Variants in RNF126 observed in about 807,000 individuals in gnomAD.
RNF126 encodes E3 ubiquitin-protein ligase RNF126.
RNF126 carries 20 observed loss-of-function variants against 41.9 expected under a neutral mutation model. That is an observed-to-expected ratio of 0.48 (90% CI 0.34 to 0.69). The LOEUF is 0.69. RNF126 is among the 30% of genes least tolerant of loss of function. The pLI, the probability that RNF126 is intolerant of heterozygous loss-of-function variation, is 0.01. For missense variants in RNF126, 433 were observed against 460.6 expected (o/e 0.94, Z 0.55); for synonymous variants, 239 against 202.9 (o/e 1.18, Z -1.51).
At chr19:654,970 G>GA (rs933712959) in intron 1 of RNF126, among the ~76,000 whole-genome samples, 17 of 143,304 alleles carry the variant, frequency 1.2e-4, no homozygotes, top group Non-Finnish European at 2.3e-4. Context: ...TCCGTATCGG[G>GA]AAAAAAAAAA....
At chr19:653,133 C>T (rs891368037) in intron 1 of RNF126, among the ~76,000 whole-genome samples, 2 of 149,862 alleles carry the variant, frequency 1.3e-5, no homozygotes, top group East Asian at 1.9e-4. Flanking sequence ...CCGTGACGGG[C>T]GTCACCAGCG....
rs755780823 is a variant in RNF126 at position 651,711 on chromosome 19, C to G, written c.343G>C (p.Asp115His). ...GRDPESRRERDHPSRHRYGAR... is the reference protein window; with the variant it reads ...GRDPESRRERHHPSRHRYGAR... Reference sequence around the variant, plus strand: ...CCGTACCGGTGCCGGGACGGATGGTCTCTCTCCCGCCGGCTCTCAGGGTCC... The same window carrying G: ...CCGTACCGGTGCCGGGACGGATGGTGTCTCTCCCGCCGGCTCTCAGGGTCC... The change falls in exon 4 of 9, where the codon GAC becomes CAC. Residue 115 changes from aspartate to histidine, a missense_variant. By Grantham distance (81) the Asp-to-His change is moderately conservative. This residue lies in a region of RNF126 where 247 missense variants were observed against 224.7 expected (regional missense o/e 1.10). Coordinates refer to ENST00000292363, the MANE Select transcript of RNF126 (RefSeq NM_194460.3). The G allele has an allele frequency of 4.4e-6, 7 of 1,608,788 alleles. No homozygotes were observed. Among genetic ancestry groups the G allele is most frequent in the Non-Finnish European group, 5.9e-6 (7 of 1,178,190 alleles).
intron 1 of RNF126, among the ~76,000 whole-genome samples, chr19:653,619 G>T (rs2030428391): frequency 6.6e-6 from 1 of 152,216 alleles, no homozygotes; most frequent in South Asian, 2.1e-4. Flanking sequence ...TGGATGGCTG[G>T]GCCCCTGGTG....
intron 1 of RNF126, 149 bp downstream of exon 1, chr19:662,898 G>A (rs998396893): frequency 1.8e-5 from 6 of 328,646 alleles, no homozygotes; most frequent in Non-Finnish European, 2.7e-5. Context: ...CGCGGATTCA[G>A]CCTGGGCCGG....
chr19:658,181 C>A (rs1600641329), intron 1 of RNF126, among the ~76,000 whole-genome samples: 2 of 152,274 alleles, frequency 1.3e-5, no homozygotes, highest in East Asian at 3.9e-4. Flanking sequence ...GGGACCCTGC[C>A]AGTGCCGGGC....
intron 4 of RNF126, 79 bp from the exon 5 acceptor site, chr19:650,375 A>G: frequency 7.9e-7 from 1 of 1,271,808 alleles, no homozygotes; most frequent in Non-Finnish European, 1.1e-6. Context: ...GTCCGTGGTG[A>G]GCACCAAGGG....
At chr19:660,930 G>T (rs118167041) in intron 1 of RNF126, among the ~76,000 whole-genome samples, 2 of 152,372 alleles carry the variant, frequency 1.3e-5, no homozygotes, top group South Asian at 2.1e-4. Context: ...GATCACCCGC[G>T]GGGTGGACAC....
chr19:649,522 C>T lies in RNF126; in HGVS notation c.576+157G>A. 3 of 608,406 alleles carry T rather than the reference C, an allele frequency of 4.9e-6. No individual in the cohort carries two copies. The South Asian group carries it at 6.0e-5, about 12-fold the overall frequency. The allele number at this position is 608,406 out of a possible 1,614,324, so 37.7% of individuals were successfully genotyped here. On this transcript the variant is annotated intron_variant, in intron 6 of 8. Coordinates refer to ENST00000292363, the MANE Select transcript of RNF126 (RefSeq NM_194460.3). ...AGACTCAGAAATGGCAGGAGGAAGG[C>T]CGGAGCTGCCCCCTGTGCCCGCCAG... is the stretch of plus-strand genomic sequence containing the variant.
Position 651,696 on chromosome 19 carries a change from G to A in RNF126, c.358C>T (p.His120Tyr). ...CGGGGCTGTCGGGCGCCGTACCGGTGCCGGGACGGATGGTCTCTCTCCCGC... is the reference window on the plus strand; with the variant it reads ...CGGGGCTGTCGGGCGCCGTACCGGTACCGGGACGGATGGTCTCTCTCCCGC... ...SRRERDHPSR[H>Y]RYGARQPRAR... The change falls in exon 4 of 9, where the codon CAC becomes TAC. Residue 120 changes from histidine (H) to tyrosine (Y), a missense_variant. Coordinates refer to ENST00000292363, the MANE Select transcript of RNF126 (RefSeq NM_194460.3). The A allele has an allele frequency of 6.2e-7, 1 of 1,600,162 alleles. No homozygotes were observed.
rs2030025729 is a variant in RNF126, at chr19:647,828, T to A, written c.*300A>T. On this transcript the variant is annotated 3_prime_UTR_variant, in exon 9 of 9. Transcript: ENST00000292363. The stretch of plus-strand genomic sequence containing the variant: ...CGCCACGTGAGCTCAAACGTCCGTT[T>A]ATTTCAAAGCAGTAATAATTTAAAA... The A allele has an allele frequency of 7.8e-6, 4 of 513,882 alleles. No homozygotes were observed. The highest frequency in any genetic ancestry group is 5.5e-5 in the Admixed American group (2 of 36,354). 31.8% of individuals were successfully genotyped at this position (513,882 alleles called of 1,614,324 possible). A position where few individuals can be genotyped will look rare whatever the true frequency, so the allele number is the denominator to read the frequency against.
chr19:649,038 G>T (rs1472936313), intron 6 of RNF126, 63 bp from the exon 7 acceptor site: 6 of 825,806 alleles, frequency 7.3e-6, no homozygotes, highest in South Asian at 7.8e-5. Context: ...GCTCTGAAAC[G>T]CGAGGCTGCA....
At chr19:656,929 G>A (rs1026083019) in intron 1 of RNF126, among the ~76,000 whole-genome samples, 4 of 152,164 alleles carry the variant, frequency 2.6e-5, no homozygotes, top group Non-Finnish European at 5.9e-5. Context: ...CCAGCTGACC[G>A]GGAGCCCAGG....
chr19:655,916 C>T (rs898905341), intron 1 of RNF126, among the ~76,000 whole-genome samples: 1 of 152,004 alleles, frequency 6.6e-6, no homozygotes, highest in Non-Finnish European at 1.5e-5. Flanking sequence ...GAGGACATCA[C>T]GTCCAGTGAG....
At chr19:649,657 C>G (rs977899544) in intron 6 of RNF126, 22 bp downstream of exon 6, 6 of 1,551,074 alleles carry the variant, frequency 3.9e-6, no homozygotes, top group Non-Finnish European at 5.2e-6. Flanking sequence ...AGCAGGCACT[C>G]TGGGCCGTGG....
At position 651,622 on chromosome 19, in the gene RNF126, G is replaced by A; in HGVS notation, c.432C>T (p.Pro144=). ...CGGGGCCCCCTCACCCTTCCAGCGT[G>A]GGGACGCCTTCGTGCCGGCCGGTGG... ...RRATGRHEGV[P]TLEGIIQQLV... is the part of the protein sequence containing the mutation. Residue 144 remains proline, a synonymous_variant, in exon 4 of 9, where the codon CCC becomes CCT. Coordinates refer to ENST00000292363, the MANE Select transcript of RNF126 (RefSeq NM_194460.3). 1 of 1,446,042 alleles carries A rather than the reference G, an allele frequency of 6.9e-7. No individual in the cohort carries two copies. The highest frequency in any genetic ancestry group is 9.1e-7 in the Non-Finnish European group (1 of 1,103,106). 89.6% of individuals were successfully genotyped at this position (1,446,042 alleles called of 1,614,324 possible). A position where few individuals can be genotyped will look rare whatever the true frequency, so the allele number is the denominator to read the frequency against.
Position 648,360 on chromosome 19 carries a change from C to CGGGGGGGGGGGGGGGGGGGGGGG in RNF126, c.786+11_786+12insCCCCCCCCCCCCCCCCCCCCCCC. The CGGGGGGGGGGGGGGGGGGGGGGG allele has an allele frequency of 3.3e-6, 1 of 302,284 alleles. No homozygotes were observed. The highest frequency in any genetic ancestry group is 4.9e-5 in the South Asian group (1 of 20,518). 18.7% of individuals were successfully genotyped at this position (302,284 alleles called of 1,614,324 possible). ...CGGTCGGGGTGGGGGGGCGGGTGGG[C>CGGGGGGGGGGGGGGGGGGGGGGG]GGGGCACTCACCTGCTCCAGCCAGG... On this transcript the variant is annotated intron_variant, in intron 8 of 8. Transcript: ENST00000292363.
intron 1 of RNF126, among the ~76,000 whole-genome samples, chr19:657,169 C>G (rs574082017): frequency 1.1e-4 from 17 of 152,222 alleles, no homozygotes; most frequent in Non-Finnish European, 2.1e-4. Flanking sequence ...GAGGGAGAAG[C>G]TGTCTCCCTC....
chr19:652,994 G>A (rs2030396190), intron 1 of RNF126, 110 bp from the exon 2 acceptor site: 2 of 1,021,252 alleles, frequency 2.0e-6, no homozygotes, highest in Admixed American at 2.0e-5. Flanking sequence ...GGCTGGCCAG[G>A]CACACGCAGG....
Position 663,168 on chromosome 19 carries a change from G to C in RNF126, c.-47C>G, listed in dbSNP as rs1381382688. 1 of 961,318 alleles carries C rather than the reference G, an allele frequency of 1.0e-6. No individual in the cohort carries two copies. Among genetic ancestry groups the C allele is most frequent in the Non-Finnish European group, 1.3e-6 (1 of 767,426 alleles). 59.5% of individuals were successfully genotyped at this position (961,318 alleles called of 1,614,324 possible). ...GCCGCCCGCCCCCCGCGCGGCACCC[G>C]CCGCCGGCCGTTTGCTGCTCCCTCG... is the stretch of plus-strand genomic sequence containing the variant. On this transcript the variant is annotated 5_prime_UTR_variant, in exon 1 of 9. Transcript: ENST00000292363.
Sources: allele counts gnomAD v4.1 joint callset (sites outside exome capture counted in the v4.1 genomes callset), GRCh38; gene constraint gnomAD v4.1.1; regional missense constraint gnomAD v4.1.1; transcripts MANE v1.5; gene names NCBI Gene and HGNC (gene_info 2026-07-23, HGNC 2026-07-21).